ARRB1: variants seen among roughly 807,000 people sequenced by gnomAD.
ARRB1 encodes arrestin beta 1, also known as beta-arrestin-1.
In ARRB1, 21 loss-of-function variants were observed where a neutral mutation model predicts 56.8. That is an observed-to-expected ratio of 0.37 (90% CI 0.26 to 0.53). The LOEUF is 0.53. ARRB1 is among the 20% of genes least tolerant of loss of function. The probability of loss-of-function intolerance (pLI) is 0.88; values close to 1 mark genes in which losing one functional copy is unlikely to be tolerated. For missense variants in ARRB1, 424 were observed against 553.7 expected (o/e 0.77, Z 2.35); for synonymous variants, 210 against 218.6 (o/e 0.96, Z 0.35).
intron 1 of ARRB1, among the ~76,000 whole-genome samples, chr11:75,293,080 G>A (rs1946645975): frequency 6.6e-6 from 1 of 152,072 alleles, no homozygotes; most frequent in Non-Finnish European, 1.5e-5. Flanking sequence ...GGGGCACAGT[G>A]AGGGTGGCCA....
chr11:75,345,390 C>G, intron 1 of ARRB1, among the ~76,000 whole-genome samples: 1 of 152,140 alleles, frequency 6.6e-6, no homozygotes, highest in East Asian at 1.9e-4. Context: ...CCAACCCCCT[C>G]TGTTCTCCAA....
rs769666068 is a variant in ARRB1 at position 75,272,992 on chromosome 11, CA to C, written c.915-15del. The C allele has an allele frequency of 1.2e-6, 2 of 1,613,364 alleles. No homozygotes were observed. The highest frequency in any genetic ancestry group is 3.3e-5 in the Admixed American group (2 of 60,000). On this transcript the variant is annotated splice_polypyrimidine_tract_variant and intron_variant, in intron 11 of 15. Transcript: ENST00000420843. ...CCTTCCCTCAACCTGCAAAGTGACACAGGGGAGCCAGTTCAGGGGCCTTGCC... is the reference window on the plus strand; with the variant it reads ...CCTTCCCTCAACCTGCAAAGTGACACGGGGAGCCAGTTCAGGGGCCTTGCC...
At chr11:75,321,009 G>A (rs1947342254) in intron 1 of ARRB1, among the ~76,000 whole-genome samples, 1 of 152,110 alleles carries the variant, frequency 6.6e-6, no homozygotes, top group South Asian at 2.1e-4. Flanking sequence ...CACGTGCACA[G>A]ACACACACAT....
At chr11:75,305,751 C>T (rs1188454214) in intron 1 of ARRB1, among the ~76,000 whole-genome samples, 1 of 152,130 alleles carries the variant, frequency 6.6e-6, no homozygotes, top group Admixed American at 6.5e-5. Context: ...ACGCACTCTA[C>T]ACACCATGCA....
intron 1 of ARRB1, among the ~76,000 whole-genome samples, chr11:75,343,938 C>T (rs1457255799): frequency 6.6e-6 from 1 of 152,092 alleles, no homozygotes; most frequent in African/African-American, 2.4e-5. Flanking sequence ...GCCTCAGCCT[C>T]CGGAGTAGCT....
chr11:75,323,343 G>C (rs1402181001), intron 1 of ARRB1, among the ~76,000 whole-genome samples: 1 of 152,260 alleles, frequency 6.6e-6, no homozygotes, highest in African/African-American at 2.4e-5. Context: ...GAGGGGCCGG[G>C]CGTGGTGGCT....
intron 1 of ARRB1, among the ~76,000 whole-genome samples, chr11:75,318,634 G>A (rs901925295): frequency 1.3e-5 from 2 of 152,008 alleles, no homozygotes; most frequent in Non-Finnish European, 1.5e-5. Context: ...AGGTGGCAGT[G>A]AGCTGAGATC....
At chr11:75,310,834 T>C (rs1378157418) in intron 1 of ARRB1, among the ~76,000 whole-genome samples, 1 of 152,196 alleles carries the variant, frequency 6.6e-6, no homozygotes, top group Non-Finnish European at 1.5e-5. Context: ...TTCTAAGGGC[T>C]GGACTGACAT....
intron 13 of ARRB1, among the ~76,000 whole-genome samples, chr11:75,269,844 GT>G (rs1156748639): frequency 6.6e-6 from 1 of 152,212 alleles, no homozygotes; most frequent in African/African-American, 2.4e-5. Flanking sequence ...TGATCACTGT[GT>G]GACAGTAGCA....
At chr11:75,337,321 G>C (rs190182077) in intron 1 of ARRB1, among the ~76,000 whole-genome samples, 1 of 152,154 alleles carries the variant, frequency 6.6e-6, no homozygotes, top group Non-Finnish European at 1.5e-5. Context: ...AGCTATGATC[G>C]TGCCACTGCA....
chr11:75,282,236 G>A (rs550356377), intron 5 of ARRB1: 10 of 526,098 alleles, frequency 1.9e-5, no homozygotes, highest in East Asian at 6.1e-5. Context: ...CCCAGTCCTC[G>A]CAGCAATGGT....
intron 1 of ARRB1, among the ~76,000 whole-genome samples, chr11:75,319,358 T>G (rs1947310830): frequency 6.6e-6 from 1 of 152,142 alleles, no homozygotes; most frequent in South Asian, 2.1e-4. Flanking sequence ...CAATCACTGG[T>G]GCCACTCCAG....
At chr11:75,313,095 G>C (rs559702405) in intron 1 of ARRB1, among the ~76,000 whole-genome samples, 1 of 152,186 alleles carries the variant, frequency 6.6e-6, no homozygotes, top group Admixed American at 6.5e-5. Context: ...GCTCACACCT[G>C]TAATCCCAGC....
intron 1 of ARRB1, among the ~76,000 whole-genome samples, chr11:75,309,534 A>C (rs1302154661): frequency 6.6e-6 from 1 of 152,010 alleles, no homozygotes; most frequent in Non-Finnish European, 1.5e-5. Context: ...GAGAATACTA[A>C]CCCCTACCAC....
intron 10 of ARRB1, among the ~76,000 whole-genome samples, chr11:75,275,405 C>T (rs1946180564): frequency 6.6e-6 from 1 of 152,060 alleles, no homozygotes; most frequent in Admixed American, 6.6e-5. Flanking sequence ...CCTCAGCCTC[C>T]CCAAGTGCTG....
chr11:75,267,762 C>T (rs1009686246), intron 14 of ARRB1, 59 bp from the exon 15 acceptor site: 16 of 1,498,166 alleles, frequency 1.1e-5, no homozygotes, highest in African/African-American at 9.7e-5. Context: ...GAGCACGGGG[C>T]GAGTAAGCAC....
chr11:75,272,789 A>G, intron 12 of ARRB1, 106 bp downstream of exon 12: 1 of 1,044,136 alleles, frequency 9.6e-7, no homozygotes, highest in Non-Finnish European at 1.5e-6. Context: ...TCCAAGGTGG[A>G]TGCAGCTAAA....
At chr11:75,290,845 T>C (rs1946595778) in intron 1 of ARRB1, among the ~76,000 whole-genome samples, 1 of 152,242 alleles carries the variant, frequency 6.6e-6, no homozygotes, top group Non-Finnish European at 1.5e-5. Context: ...ACTCAAGCGA[T>C]CTGCCCACCT....
At position 75,267,682 on chromosome 11, in the gene ARRB1, A is replaced by G; in HGVS notation, c.1115T>C (p.Val372Ala). The change falls in exon 15 of 16, where the codon GTA becomes GCA. Residue 372 changes from valine to alanine, a missense_variant. Coordinates refer to ENST00000420843, the MANE Select transcript of ARRB1 (RefSeq NM_004041.5). ...GTCAAGTTCTATGAGATTGGTATCT[A>G]CTGGCGTCTCGTTCTCTGGAACTAA... ...HREVPENETPVDTNLIELDTN... is the reference protein window; with the variant it reads ...HREVPENETPADTNLIELDTN... 2 of 1,570,106 alleles carry G rather than the reference A, an allele frequency of 1.3e-6. No homozygotes were observed. Among genetic ancestry groups the G allele is most frequent in the South Asian group, 1.1e-5 (1 of 90,370 alleles).
Sources: gnomAD v4.1 joint callset for allele counts (sites outside exome capture counted in the v4.1 genomes callset) on GRCh38, gnomAD v4.1.1 for gene constraint, MANE v1.5 for transcripts, NCBI Gene and HGNC (gene_info 2026-07-23, HGNC 2026-07-21) for gene names.